The following CSTL1 variants were observed in gnomAD, a reference collection of about 807,000 sequenced individuals.
CSTL1 encodes the protein cystatin-like 1.
In CSTL1, 14 loss-of-function variants were observed where a neutral mutation model predicts 14.4. The observed-to-expected ratio is 0.97, with a 90% CI of 0.64 to 1.52. The LOEUF is 1.52. Ranked by LOEUF, CSTL1 falls within the 40% of genes most tolerant of loss-of-function variation. The pLI is 0.00. For missense variants in CSTL1, 170 were observed against 168.7 expected, an observed-to-expected ratio of 1.01 and a Z score of -0.04; for synonymous variants, 72 against 67.5, an observed-to-expected ratio of 1.07 and a Z score of -0.33.
the CSTL1 span, chr20:23,452,701 C>A: frequency 6.2e-7 from 1 of 1,614,056 alleles, no homozygotes; most frequent in Non-Finnish European, 8.5e-7. Context: ...CTACTGCCAT[C>A]ACTTCATGGA....
the CSTL1 span, among the ~76,000 whole-genome samples, chr20:23,459,721 G>A: frequency 6.6e-6 from 1 of 152,190 alleles, no homozygotes; most frequent in Non-Finnish European, 1.5e-5. Flanking sequence ...TATCTCCAGG[G>A]CCTGACACAA....
downstream of CSTL1, among the ~76,000 whole-genome samples, chr20:23,449,346 A>AC (rs966992753): frequency 2.6e-5 from 4 of 151,902 alleles, no homozygotes; most frequent in African/African-American, 9.7e-5. Context: ...TTGGATAAAT[A>AC]CCCCAACTCC....
At chr20:23,456,917 C>A in the CSTL1 span, among the ~76,000 whole-genome samples, 1 of 152,150 alleles carries the variant, frequency 6.6e-6, no homozygotes, top group Non-Finnish European at 1.5e-5. Context: ...CTTCTAAGGA[C>A]GTGATTAATT....
chr20:23,452,875 C>A, the CSTL1 span: 1 of 1,269,620 alleles, frequency 7.9e-7, no homozygotes, highest in South Asian at 1.3e-5. Context: ...TCGAATCACA[C>A]TGACCCTACC....
the CSTL1 span, among the ~76,000 whole-genome samples, chr20:23,455,685 G>C: frequency 3.3e-5 from 5 of 152,326 alleles, no homozygotes; most frequent in East Asian, 9.7e-4. Flanking sequence ...AACATGCCTT[G>C]CCAGTTCCCT....
the CSTL1 span, chr20:23,452,974 G>T: frequency 1.6e-6 from 1 of 610,966 alleles, no homozygotes; most frequent in East Asian, 2.7e-5. Context: ...CTGAACTCGA[G>T]GGGAGAGCAG....
chr20:23,455,758 G>T, the CSTL1 span, among the ~76,000 whole-genome samples: 1 of 152,234 alleles, frequency 6.6e-6, no homozygotes, highest in South Asian at 2.1e-4. Flanking sequence ...GGCGCAGGTG[G>T]TCGATCTTCC....
At chr20:23,451,606 C>A in the CSTL1 span, among the ~76,000 whole-genome samples, 1 of 152,290 alleles carries the variant, frequency 6.6e-6, no homozygotes, top group Admixed American at 6.5e-5. Flanking sequence ...ACATGTTCAG[C>A]CTCCTCACAC....
chr20:23,451,841 A>G, the CSTL1 span: 1 of 1,613,920 alleles, frequency 6.2e-7, no homozygotes, highest in Non-Finnish European at 8.5e-7. Flanking sequence ...TTCCTGGGGG[A>G]CACAGTTCGT....
At chr20:23,459,194 T>G in the CSTL1 span, 1 of 152,406 alleles carries the variant, frequency 6.6e-6, no homozygotes, top group Admixed American at 6.5e-5. Flanking sequence ...TATCAAAACA[T>G]GCAAGCTGTT....
chr20:23,448,171 C>T (rs1264315447), downstream of CSTL1, among the ~76,000 whole-genome samples: 1 of 152,192 alleles, frequency 6.6e-6, no homozygotes, highest in African/African-American at 2.4e-5. Context: ...ATGTGTATTT[C>T]TATCTCTTTA....
chr20:23,440,333 G>A lies in CSTL1; in HGVS notation c.66G>A (p.Leu22=). ...LLIALVLSAK[L]GHFQRWEGFQ... Reference sequence around the variant, plus strand: ...TTGCCCTGGTCCTGTCAGCCAAGCTGGGTCACTTCCAAAGGTGGGAGGGCT... The same window carrying A: ...TTGCCCTGGTCCTGTCAGCCAAGCTAGGTCACTTCCAAAGGTGGGAGGGCT... Residue 22 remains leucine, a synonymous_variant, in exon 2 of 4, where the codon CTG becomes CTA. Transcript: ENST00000347397. 6.2e-7 allele frequency: 1 copy of A among 1,614,188 alleles called. No homozygotes were observed. Among genetic ancestry groups the A allele is most frequent in the Non-Finnish European group, 8.5e-7 (1 of 1,180,038 alleles).
downstream of CSTL1, among the ~76,000 whole-genome samples, chr20:23,446,115 C>G (rs899361123): frequency 6.6e-6 from 1 of 152,218 alleles, no homozygotes. Flanking sequence ...CAATGTCAAC[C>G]TCACTGCTGT....
chr20:23,452,877 G>T, the CSTL1 span: 2 of 1,270,042 alleles, frequency 1.6e-6, no homozygotes, highest in Non-Finnish European at 2.2e-6. Flanking sequence ...GAATCACACT[G>T]ACCCTACCTG....
chr20:23,451,520 A>G, the CSTL1 span, among the ~76,000 whole-genome samples: 4 of 152,148 alleles, frequency 2.6e-5, no homozygotes, highest in Non-Finnish European at 1.5e-5. Flanking sequence ...CAGGCTGCTT[A>G]AATATTAGGA....
downstream of CSTL1, among the ~76,000 whole-genome samples, chr20:23,449,709 A>G (rs531851877): frequency 2.0e-4 from 31 of 152,164 alleles, no homozygotes; most frequent in African/African-American, 7.0e-4. Flanking sequence ...AGCCCCTTGA[A>G]CAGAGGACTC....
At chr20:23,460,750 G>A in the CSTL1 span, among the ~76,000 whole-genome samples, 2 of 152,152 alleles carry the variant, frequency 1.3e-5, no homozygotes, top group Non-Finnish European at 2.9e-5. Flanking sequence ...CAGACAAAAT[G>A]GGTTAGGGAA....
the CSTL1 span, among the ~76,000 whole-genome samples, chr20:23,453,244 T>A: frequency 6.6e-6 from 1 of 151,804 alleles, no homozygotes; most frequent in Non-Finnish European, 1.5e-5. Context: ...AGGGGCCGCC[T>A]GCACCGGAAG....
the CSTL1 span, among the ~76,000 whole-genome samples, chr20:23,455,012 A>T: frequency 7.2e-5 from 11 of 152,134 alleles, no homozygotes; most frequent in Non-Finnish European, 1.2e-4. Context: ...ACAAAGAGTC[A>T]TTTTTGCCTT....
Sources: gnomAD v4.1 joint callset for allele counts (sites outside exome capture counted in the v4.1 genomes callset) on GRCh38, gnomAD v4.1.1 for gene constraint, MANE v1.5 for transcripts, NCBI Gene and HGNC (gene_info 2026-07-23, HGNC 2026-07-21) for gene names.